Variants in SDK1 observed in about 807,000 individuals in gnomAD.
SDK1 encodes protein sidekick-1.
SDK1 carries 157 observed loss-of-function variants against 245.5 expected under a neutral mutation model. The observed-to-expected ratio is 0.64, with a 90% CI of 0.56 to 0.73. The LOEUF (loss-of-function observed/expected upper bound fraction) is 0.73, where lower values mean the gene tolerates loss of function less well. Among genes scored for constraint, SDK1 ranks in the 30% least tolerant of loss-of-function variants. The pLI is 0.00. For missense variants in SDK1, 3,583 were observed against 3,002.3 expected, an observed-to-expected ratio of 1.19 and a Z score of -4.52; for synonymous variants, 1,647 against 1,278.5, an observed-to-expected ratio of 1.29 and a Z score of -6.15.
intron 1 of SDK1, among the ~76,000 whole-genome samples, chr7:3,550,936 A>C (rs1310167472): frequency 2.0e-5 from 3 of 152,166 alleles, no homozygotes; most frequent in Non-Finnish European, 4.4e-5. Context: ...CTTTCTTCTT[A>C]TCATTCTTGA....
intron 1 of SDK1, among the ~76,000 whole-genome samples, chr7:3,392,315 T>C (rs1781779069): frequency 1.3e-5 from 2 of 152,072 alleles, no homozygotes; most frequent in Admixed American, 1.3e-4. Flanking sequence ...GGTATTTAAT[T>C]CATGTCATTC....
At chr7:3,347,366 A>G (rs1157170125) in intron 1 of SDK1, among the ~76,000 whole-genome samples, 1 of 152,164 alleles carries the variant, frequency 6.6e-6, no homozygotes, top group Non-Finnish European at 1.5e-5. Context: ...GATATGTTGG[A>G]TACCAGTTGG....
intron 42 of SDK1, among the ~76,000 whole-genome samples, chr7:4,239,554 G>A (rs532264745): frequency 3.3e-4 from 50 of 152,194 alleles, no homozygotes; most frequent in Admixed American, 2.6e-3. Context: ...TTAAATAGAC[G>A]GGTTTCACCA....
chr7:4,076,567 CATACATAT>C (rs1464176846), intron 20 of SDK1, among the ~76,000 whole-genome samples: 2 of 152,122 alleles, frequency 1.3e-5, no homozygotes, highest in Admixed American at 6.5e-5. Context: ...TAGATACATA[CATACATAT>C]ATACATACAT....
At chr7:3,641,917 A>T in intron 3 of SDK1, 41 bp from the exon 4 acceptor site, 2 of 1,578,484 alleles carry the variant, frequency 1.3e-6, no homozygotes, top group Non-Finnish European at 1.7e-6. Flanking sequence ...CTCCCCCAAA[A>T]ATGTTTTCTA....
At chr7:4,232,093 A>T (rs1785813907) in intron 40 of SDK1, among the ~76,000 whole-genome samples, 1 of 138,002 alleles carries the variant, frequency 7.2e-6, no homozygotes, top group Non-Finnish European at 1.5e-5. Flanking sequence ...AATTGAATTT[A>T]TACAAACACA....
intron 17 of SDK1, among the ~76,000 whole-genome samples, chr7:4,040,007 T>C (rs1167647107): frequency 2.6e-5 from 4 of 152,156 alleles, no homozygotes; most frequent in Non-Finnish European, 2.9e-5. Context: ...TGAACCAAAC[T>C]GGGTTTGTCT....
intron 13 of SDK1, among the ~76,000 whole-genome samples, chr7:3,977,623 G>A (rs914049001): frequency 6.6e-6 from 1 of 152,202 alleles, no homozygotes; most frequent in Non-Finnish European, 1.5e-5. Context: ...AGCATTCAAC[G>A]ACAGTAGCAC....
chr7:3,571,684 T>C (rs1181842942), intron 1 of SDK1, among the ~76,000 whole-genome samples: 2 of 152,074 alleles, frequency 1.3e-5, no homozygotes, highest in African/African-American at 2.4e-5. Context: ...CTATTTGATC[T>C]AAAACCTTTT....
intron 1 of SDK1, among the ~76,000 whole-genome samples, chr7:3,571,623 T>C (rs949729479): frequency 6.6e-6 from 1 of 152,086 alleles, no homozygotes; most frequent in East Asian, 1.9e-4. Context: ...CCTTTTGTTT[T>C]ACAGTTTGTT....
rs773123051 is a variant in SDK1 at position 3,951,878 on chromosome 7, G to A, written c.1108G>A (p.Ala370Thr). 36 of 1,613,578 alleles carry A rather than the reference G, an allele frequency of 2.2e-5. No individual in the cohort carries two copies. Among genetic ancestry groups the A allele is most frequent in the Middle Eastern group, 1.7e-4 (1 of 6,054 alleles). ...YVCEAALPGS[A>T]FEPARATAFL... ...CTGCGAGGCGGCGCTGCCGGGGAGC[G>A]CTTTTGAACCGGCCAGGGCGACGGC... Residue 370 changes from alanine to threonine, a missense_variant, in exon 7 of 45, where the codon GCT becomes ACT. Transcript: ENST00000404826.
intron 23 of SDK1, among the ~76,000 whole-genome samples, chr7:4,111,094 A>C (rs1050730133): frequency 2.0e-5 from 3 of 152,122 alleles, no homozygotes; most frequent in Admixed American, 6.5e-5. Flanking sequence ...CACTTTACCA[A>C]ACTCCACAAC....
intron 22 of SDK1, among the ~76,000 whole-genome samples, chr7:4,103,901 C>T (rs1470419892): frequency 6.6e-6 from 1 of 152,262 alleles, no homozygotes; most frequent in Non-Finnish European, 1.5e-5. Context: ...CAGACGCTCT[C>T]AGTTCCAGCT....
intron 1 of SDK1, among the ~76,000 whole-genome samples, chr7:3,398,231 C>G (rs1441351972): frequency 1.3e-5 from 2 of 152,046 alleles, no homozygotes; most frequent in African/African-American, 4.8e-5. Context: ...CCTAGAAATA[C>G]CGCCTTAAGT....
At chr7:3,624,193 A>G (rs1041906790) in intron 2 of SDK1, among the ~76,000 whole-genome samples, 4 of 152,166 alleles carry the variant, frequency 2.6e-5, no homozygotes, top group Non-Finnish European at 1.5e-5. Flanking sequence ...GAAAGCTAAT[A>G]TCAATAGCTG....
At chr7:3,626,916 C>A (rs1341640041) in intron 2 of SDK1, among the ~76,000 whole-genome samples, 3 of 147,906 alleles carry the variant, frequency 2.0e-5, no homozygotes, top group Non-Finnish European at 4.6e-5. Flanking sequence ...ATCTTGACCT[C>A]AGGTTCAACA....
chr7:4,177,654 C>A lies in SDK1; in HGVS notation c.4997-831C>A, dbSNP rs1018601167. On this transcript the variant is annotated intron_variant, in intron 34 of 44. Transcript: ENST00000404826. ...CAGGGGTCTCCAACCACTTTGACAC[C>A]AGGGGTGGGTTTTGTGGGAGACAAT... is the stretch of plus-strand genomic sequence containing the variant. Among the ~76,000 whole-genome samples the A allele has an allele frequency of 7.9e-5, 12 of 152,308 alleles. No individual in the cohort carries two copies. The East Asian group carries it at 2.1e-3, about 27-fold the overall frequency.
At chr7:3,519,512 ATTGC>A (rs1051742373) in intron 1 of SDK1, among the ~76,000 whole-genome samples, 96 of 152,094 alleles carry the variant, frequency 6.3e-4, no homozygotes, top group African/African-American at 2.3e-3. Context: ...ACATTTCTGT[ATTGC>A]TTGCTATGTT....
intron 44 of SDK1, among the ~76,000 whole-genome samples, chr7:4,247,373 A>G (rs921843889): frequency 2.0e-5 from 3 of 152,230 alleles, no homozygotes; most frequent in African/African-American, 7.2e-5. Context: ...GCTTGGCAGA[A>G]ACAGCAGGCA....
Sources: gnomAD v4.1 joint callset for allele counts (sites outside exome capture counted in the v4.1 genomes callset) on GRCh38, gnomAD v4.1.1 for gene constraint, MANE v1.5 for transcripts, NCBI Gene and HGNC (gene_info 2026-07-23, HGNC 2026-07-21) for gene names.